The following PEX5 variants were observed in gnomAD, a reference collection of about 807,000 sequenced individuals.
PEX5 encodes peroxisomal biogenesis factor 5.
A neutral mutation model predicts 82.9 loss-of-function variants in PEX5; 52 were observed. The ratio of observed to expected loss-of-function variants is 0.63; its 90% CI spans 0.50 to 0.79. The LOEUF (loss-of-function observed/expected upper bound fraction) is 0.79, where lower values mean the gene tolerates loss of function less well. Among genes scored for constraint, PEX5 ranks in the 30% least tolerant of loss-of-function variants. PEX5 has a pLI of 0.00. For synonymous variants in PEX5, 300 were observed against 318.8 expected (o/e 0.94, Z 0.63); for missense variants, 719 against 815.2 (o/e 0.88, Z 1.44).
At chr12:7,197,517 TTATATGTTATATATAATGTAATTA>T (rs1565689607) in intron 5 of PEX5, among the ~76,000 whole-genome samples, 2 of 91,048 alleles carry the variant, frequency 2.2e-5, no homozygotes, top group African/African-American at 3.4e-5. Flanking sequence ...AATGTAATAA[TTATATGTTATATATAATGTAATTA>T]TATATGTTAT....
At chr12:7,191,072 T>G in intron 3 of PEX5, 149 bp downstream of exon 3, 1 of 1,209,912 alleles carries the variant, frequency 8.3e-7, no homozygotes, top group Non-Finnish European at 1.2e-6. Flanking sequence ...TTCGTCCTTC[T>G]AAATCTATGG....
chr12:7,202,212 A>C (rs896120318), intron 7 of PEX5, 29 bp from the exon 8 acceptor site: 1 of 1,613,672 alleles, frequency 6.2e-7, no homozygotes, highest in African/African-American at 1.3e-5. Flanking sequence ...TCCTTTCCCA[A>C]GTGGCCTGTG....
At chr12:7,197,680 G>T (rs1023751826) in intron 5 of PEX5, among the ~76,000 whole-genome samples, 23 of 151,666 alleles carry the variant, frequency 1.5e-4, no homozygotes, top group African/African-American at 4.4e-4. Context: ...CATTATTCAG[G>T]CAAAGTTTCA....
At chr12:7,215,718 C>T (rs1306495444), downstream of PEX5, among the ~76,000 whole-genome samples, 5 of 151,978 alleles carry the variant, frequency 3.3e-5, no homozygotes, top group South Asian at 4.2e-4. Flanking sequence ...AAGATAGGAA[C>T]GGCAGACACT....
At position 7,201,814 on chromosome 12, in the gene PEX5, G is replaced by A; in HGVS notation, c.615G>A (p.Val205=). 6.2e-7 allele frequency: 1 copy of A among 1,613,656 alleles called. No homozygotes were observed. Among genetic ancestry groups the A allele is most frequent in the African/African-American group, 1.3e-5 (1 of 75,032 alleles). The change falls in exon 7 of 16, where the codon GTG becomes GTA. Residue 205 remains valine, a synonymous_variant. Coordinates refer to ENST00000675855, the MANE Select transcript of PEX5 (RefSeq NM_001351132.2). ...QHTASDFVAK[V]DDPKLANSEF... is the part of the protein sequence containing the mutation. ...CGGCCAGTGACTTTGTGGCCAAAGT[G>A]GATGACCCCAAATTGGCTAATTCTG...
At chr12:7,202,111 CTT>C in intron 7 of PEX5, 128 bp from the exon 8 acceptor site, 1 of 1,429,514 alleles carries the variant, frequency 7.0e-7, no homozygotes, top group Non-Finnish European at 9.8e-7. Context: ...CTTTTAGGGT[CTT>C]TAGCATATCT....
In PEX5 at chr12:7,209,156, A is replaced by C; in HGVS notation, c.1546A>C (p.Ser516Arg). The C allele has an allele frequency of 6.2e-7, 1 of 1,613,922 alleles. No individual in the cohort carries two copies. ...KAVDCFTAAL[S>R]VRPNDYLLWN... ...CGTGGACTGCTTCACAGCTGCCCTC[A>C]GCGTTCGTCCCAATGTGAGCCCAGG... The change falls in exon 14 of 16, where the codon AGC becomes CGC. Residue 516 changes from serine (S) to arginine (R), a missense_variant. Physicochemically the swap from Ser to Arg is moderately radical, Grantham distance 110. Transcript: ENST00000675855.
rs776668066 is a variant in PEX5, at chr12:7,199,134, C to A, written c.551+21C>A. 5 of 1,395,146 alleles carry A rather than the reference C, an allele frequency of 3.6e-6. No homozygotes were observed. The South Asian group carries it at 4.9e-5, about 14-fold the overall frequency. 86.4% of individuals were successfully genotyped at this position (1,395,146 alleles called of 1,614,324 possible). A position where few individuals can be genotyped will look rare whatever the true frequency, so the allele number is the denominator to read the frequency against. On this transcript the variant is annotated intron_variant, in intron 6 of 15. Transcript: ENST00000675855. ...CGCTGGTGAGTTCAGATACCTCTTT[C>A]CGAATCCCGTGAAAGGAGTATGGAC...
At chr12:7,202,981 A>G (rs1467307523) in intron 9 of PEX5, among the ~76,000 whole-genome samples, 1 of 151,614 alleles carries the variant, frequency 6.6e-6, no homozygotes, top group Non-Finnish European at 1.5e-5. Context: ...ACATGGAGAA[A>G]CCCCATGTCT....
chr12:7,212,112 T>C (rs780274738), downstream of PEX5, among the ~76,000 whole-genome samples: 135 of 151,996 alleles, frequency 8.9e-4, no homozygotes, highest in Middle Eastern at 6.8e-3. Context: ...ATTACAGGCA[T>C]GTGCCACCAC....
chr12:7,192,878 T>A (rs1000152700), intron 5 of PEX5, among the ~76,000 whole-genome samples: 44 of 152,270 alleles, frequency 2.9e-4, no homozygotes, highest in Admixed American at 1.3e-4. Flanking sequence ...GGGACAAATG[T>A]GTGTGAAGGA....
rs112512421 is a variant in PEX5 at position 7,210,538 on chromosome 12, T to C, written c.*315T>C. On this transcript the variant is annotated 3_prime_UTR_variant, in exon 16 of 16. Coordinates refer to ENST00000675855, the MANE Select transcript of PEX5 (RefSeq NM_001351132.2). ...ACCCCACGATTTAGGGTAACTGTTA[T>C]CATCAGCTGCCATTTCTGATAGGGT... 4.2e-5 allele frequency: 20 copies of C among 471,262 alleles called. No homozygotes were observed. The highest frequency in any genetic ancestry group is 2.7e-4 in the African/African-American group (14 of 50,986). The allele number at this position is 471,262 out of a possible 1,614,324, so 29.2% of individuals were successfully genotyped here. A position where few individuals can be genotyped will look rare whatever the true frequency, so the allele number is the denominator to read the frequency against.
intron 6 of PEX5, among the ~76,000 whole-genome samples, chr12:7,201,336 C>CAA (rs1943998652): frequency 1.1e-4 from 1 of 8,786 alleles, no homozygotes; most frequent in Non-Finnish European, 9.1e-4. Context: ...CACACATACA[C>CAA]GTATATATAC....
Position 7,194,082 on chromosome 12 carries a change from C to CT in PEX5, c.448+2390dup, listed in dbSNP as rs747739435. On this transcript the variant is annotated intron_variant, in intron 5 of 15. Transcript: ENST00000675855. ...AAGGAGTTCATTTTGTCGTAACTGACTTTTTTTTATTATCCTTCATTTTTA... is the reference window on the plus strand; with the variant it reads ...AAGGAGTTCATTTTGTCGTAACTGACTTTTTTTTTATTATCCTTCATTTTTA... 1.9e-3 allele frequency among the ~76,000 whole-genome samples: 286 copies of CT among 152,058 alleles called. 1 individual carries two copies. Among genetic ancestry groups the CT allele is most frequent in the African/African-American group, 6.3e-3 (263 of 41,472 alleles).
At chr12:7,208,155 A>G (rs964981935) in intron 12 of PEX5, 75 bp downstream of exon 12, 4 of 1,099,400 alleles carry the variant, frequency 3.6e-6, no homozygotes, top group Admixed American at 1.7e-5. Context: ...AGAAGCCCAG[A>G]CCTGGATCCT....
At chr12:7,197,534 T>TATA (rs1942965043) in intron 5 of PEX5, among the ~76,000 whole-genome samples, 1 of 60,268 alleles carries the variant, frequency 1.7e-5, no homozygotes, top group Non-Finnish European at 4.3e-5. Context: ...TTATATATAA[T>TATA]GTAATTATAT....
At chr12:7,200,983 T>C (rs1177724764) in intron 6 of PEX5, among the ~76,000 whole-genome samples, 4 of 152,172 alleles carry the variant, frequency 2.6e-5, no homozygotes, top group Non-Finnish European at 5.9e-5. Context: ...TGTGAATTTA[T>C]GGTTGAAATG....
At chr12:7,190,733 C>T (rs1940922608) in intron 2 of PEX5, 155 bp from the exon 3 acceptor site, 4 of 1,331,578 alleles carry the variant, frequency 3.0e-6, no homozygotes, top group Non-Finnish European at 3.2e-6. Context: ...TTACCACTTA[C>T]TGAGCGTTTA....
At chr12:7,190,234 A>G in intron 1 of PEX5, 128 bp from the exon 2 acceptor site, 1 of 1,586,950 alleles carries the variant, frequency 6.3e-7, no homozygotes. Context: ...TCGCAGCAAA[A>G]GCACTGGGGT....
Sources: gnomAD v4.1 joint callset for allele counts (sites outside exome capture counted in the v4.1 genomes callset) on GRCh38, gnomAD v4.1.1 for gene constraint, MANE v1.5 for transcripts, NCBI Gene and HGNC (gene_info 2026-07-23, HGNC 2026-07-21) for gene names.